The following STAB2 variants were observed in gnomAD, a reference collection of about 807,000 sequenced individuals.
STAB2 encodes stabilin 2.
Under a neutral mutation model 338.1 loss-of-function variants are expected in STAB2, and 288 were observed. The observed-to-expected ratio is 0.85, with a 90% CI of 0.77 to 0.94. The LOEUF is 0.94. Among genes scored for constraint, STAB2 ranks in the 40% least tolerant of loss-of-function variants. STAB2 has a pLI of 0.00. For missense variants in STAB2, 3,141 were observed against 3,210.1 expected, an observed-to-expected ratio of 0.98 and a Z score of 0.52; for synonymous variants, 1,202 against 1,193.3, an observed-to-expected ratio of 1.01 and a Z score of -0.15.
chr12:103,749,264 T>A, intron 59 of STAB2, 108 bp downstream of exon 59: 2 of 1,221,542 alleles, frequency 1.6e-6, no homozygotes, highest in Non-Finnish European at 2.2e-6. Flanking sequence ...TTCCTAAACA[T>A]TTTTTCTAGC....
chr12:103,604,741 C>CT (rs1957002288), intron 3 of STAB2, among the ~76,000 whole-genome samples: 1 of 151,596 alleles, frequency 6.6e-6, no homozygotes, highest in Non-Finnish European at 1.5e-5. Context: ...TTCATCTTCT[C>CT]TTTTTTTTCT....
In STAB2 at chr12:103,700,644, C is replaced by T. The variant is rs1037435649; in HGVS notation, c.3714+1417C>T. On this transcript the variant is annotated intron_variant, in intron 34 of 68. Coordinates refer to ENST00000388887, the MANE Select transcript of STAB2 (RefSeq NM_017564.10). Reference sequence around the variant, plus strand: ...TATTGACAGAGCTTCGTTTTTGCTTCTGTATGTGTTTGTCACCTTTTATTT... The same window carrying T: ...TATTGACAGAGCTTCGTTTTTGCTTTTGTATGTGTTTGTCACCTTTTATTT... Among the ~76,000 whole-genome samples, 8 of 152,272 alleles carry T rather than the reference C, an allele frequency of 5.3e-5. No homozygotes were observed. In the South Asian group the frequency reaches 8.3e-4, roughly 16 times the overall value.
intron 12 of STAB2, among the ~76,000 whole-genome samples, chr12:103,653,683 C>T (rs1677984): frequency 1.4e-5 from 1 of 73,286 alleles, no homozygotes; most frequent in East Asian, 4.2e-4. Context: ...TGGATAGATA[C>T]ATGGATAGGT....
At chr12:103,695,958 A>G (rs1878368228) in intron 33 of STAB2, 114 bp downstream of exon 33, 2 of 983,936 alleles carry the variant, frequency 2.0e-6, no homozygotes, top group African/African-American at 1.6e-5. Context: ...CCATAGCCAC[A>G]TACTTGACGT....
Position 103,715,798 on chromosome 12 carries a change from G to A in STAB2, c.4538-17G>A. On this transcript the variant is annotated splice_polypyrimidine_tract_variant and intron_variant, in intron 42 of 68. Coordinates refer to ENST00000388887, the MANE Select transcript of STAB2 (RefSeq NM_017564.10). Reference sequence around the variant, plus strand: ...AGACTGGATTTCCAGGCCAGATGTTGGCTTTTTGTTTTAAAGAAATCAACC... The same window carrying A: ...AGACTGGATTTCCAGGCCAGATGTTAGCTTTTTGTTTTAAAGAAATCAACC... 6.2e-7 allele frequency: 1 copy of A among 1,613,940 alleles called. No individual in the cohort carries two copies.
At chr12:103,748,605 TACACACACACAC>T (rs71097994) in intron 58 of STAB2, among the ~76,000 whole-genome samples, 7,275 of 141,030 alleles carry the variant, frequency 0.052, 189 homozygotes, top group South Asian at 0.084. Flanking sequence ...CACACACACA[TACACACACACAC>T]ACACACACAC....
chr12:103,595,089 T>C (rs990263102), intron 3 of STAB2, among the ~76,000 whole-genome samples: 1 of 152,186 alleles, frequency 6.6e-6, no homozygotes, highest in African/African-American at 2.4e-5. Context: ...TCTGAATCAA[T>C]GGTATAGTTA....
At chr12:103,731,982 A>G (rs573070290) in intron 50 of STAB2, among the ~76,000 whole-genome samples, 2 of 152,328 alleles carry the variant, frequency 1.3e-5, no homozygotes, top group South Asian at 4.1e-4. Flanking sequence ...GAGAGTTGGG[A>G]ACTCTATGCC....
At position 103,638,210 on chromosome 12, in the gene STAB2, C is replaced by G. The variant is rs1173900543; in HGVS notation, c.904C>G (p.Gln302Glu). ...STVCKYDGPGQSHCECKEHYQ... is the reference protein window; with the variant it reads ...STVCKYDGPGESHCECKEHYQ... The stretch of plus-strand genomic sequence containing the variant: ...AGTGTGCAAATATGATGGGCCTGGA[C>G]AGGTGAGCAAATGATGCAGGGAACT... Residue 302 changes from glutamine (Q) to glutamate (E), a missense_variant and splice_region_variant, in exon 8 of 69, where the codon CAG becomes GAG. Physicochemically the swap from Gln to Glu is conservative, Grantham distance 29. Coordinates refer to ENST00000388887, the MANE Select transcript of STAB2 (RefSeq NM_017564.10). 5 of 1,613,054 alleles carry G rather than the reference C, an allele frequency of 3.1e-6. No individual in the cohort carries two copies. The highest frequency in any genetic ancestry group is 4.2e-6 in the Non-Finnish European group (5 of 1,179,260).
chr12:103,690,430 T>C lies in STAB2; in HGVS notation c.3189T>C (p.His1063=), dbSNP rs150834304. 1 of 1,612,954 alleles carries C rather than the reference T, an allele frequency of 6.2e-7. No homozygotes were observed. Among genetic ancestry groups the C allele is most frequent in the South Asian group, 1.1e-5 (1 of 90,846 alleles). ...TTGTGGACTATTGTTTCAGGTACCATATGCTACTAGGCACATACAGAGTGG... is the reference window on the plus strand; with the variant it reads ...TTGTGGACTATTGTTTCAGGTACCACATGCTACTAGGCACATACAGAGTGG... ...QSNIPALIKY[H]MLLGTYRVAD... The change falls in exon 30 of 69, where the codon CAT becomes CAC. Residue 1063 remains histidine, a synonymous_variant. Coordinates refer to ENST00000388887, the MANE Select transcript of STAB2 (RefSeq NM_017564.10).
At chr12:103,704,805 AATAAAC>A in intron 36 of STAB2, 191 bp downstream of exon 36, 1 of 539,180 alleles carries the variant, frequency 1.9e-6, no homozygotes, top group Non-Finnish European at 3.2e-6. Flanking sequence ...GGCAAAATTT[AATAAAC>A]ATAAATGGGT....
At chr12:103,761,130 T>G (rs1884504223) in intron 65 of STAB2, among the ~76,000 whole-genome samples, 170 bp from the exon 66 acceptor site, 1 of 152,138 alleles carries the variant, frequency 6.6e-6, no homozygotes. Context: ...ACAGGACAAT[T>G]AATGTGTTCT....
intron 65 of STAB2, among the ~76,000 whole-genome samples, chr12:103,759,508 AT>A (rs1349665007): frequency 1.3e-5 from 2 of 152,230 alleles, no homozygotes; most frequent in Non-Finnish European, 2.9e-5. Context: ...TAATGAACCC[AT>A]TTTAAAGCTG....
intron 25 of STAB2, among the ~76,000 whole-genome samples, chr12:103,682,377 G>A (rs968319924): frequency 9.9e-5 from 15 of 152,192 alleles, no homozygotes; most frequent in Non-Finnish European, 2.1e-4. Flanking sequence ...CCTCAGCTGG[G>A]ACTAGTTGGC....
At position 103,733,047 on chromosome 12, in the gene STAB2, C is replaced by T; in HGVS notation, c.5325C>T (p.Thr1775=). 1 of 1,614,100 alleles carries T rather than the reference C, an allele frequency of 6.2e-7. No individual in the cohort carries two copies. The highest frequency in any genetic ancestry group is 8.5e-7 in the Non-Finnish European group (1 of 1,179,998). ...GTGTCATCACCGATCCCATCCACAC[C>T]CCAGTCACTCTCTTCTGGCCCACCG... The part of the protein sequence containing the change: ...LLSVITDPIH[T]PVTLFWPTDQ... The change falls in exon 51 of 69, where the codon ACC becomes ACT. Residue 1775 remains threonine, a synonymous_variant. Coordinates refer to ENST00000388887, the MANE Select transcript of STAB2 (RefSeq NM_017564.10).
At chr12:103,720,111 T>C (rs1024719820) in intron 44 of STAB2, among the ~76,000 whole-genome samples, 2 of 152,188 alleles carry the variant, frequency 1.3e-5, no homozygotes, top group Non-Finnish European at 2.9e-5. Context: ...GTAAGGATAA[T>C]AAAGAAGAAG....
rs1884697790 is a variant in STAB2, at chr12:103,763,563, G to C, written c.7560G>C (p.Glu2520Asp). The C allele has an allele frequency of 1.2e-6, 2 of 1,613,970 alleles. No homozygotes were observed. The highest frequency in any genetic ancestry group is 1.3e-5 in the African/African-American group (1 of 74,906). ...QPENISNPLY[E>D]STTSAPPEPS... ...AGAATATCTCGAACCCCTTGTATGA[G>C]AGCACAACCTCAGCTCCCCCAGAAC... is the stretch of plus-strand genomic sequence containing the variant. Residue 2520 changes from glutamate (E) to aspartate (D), a missense_variant, in exon 68 of 69, where the codon GAG (glutamate) becomes GAC (aspartate). By Grantham distance (45) the Glu-to-Asp change is conservative (BLOSUM62 2). Coordinates refer to ENST00000388887, the MANE Select transcript of STAB2 (RefSeq NM_017564.10).
chr12:103,637,289 T>C (rs1383521270), intron 7 of STAB2, 53 bp downstream of exon 7: 4 of 1,568,000 alleles, frequency 2.6e-6, no homozygotes, highest in Admixed American at 4.1e-5. Context: ...TTAGGTTATT[T>C]AACAGGAAAA....
At chr12:103,630,588 A>G (rs1357645931) in intron 5 of STAB2, among the ~76,000 whole-genome samples, 1 of 152,224 alleles carries the variant, frequency 6.6e-6, no homozygotes, top group African/African-American at 2.4e-5. Flanking sequence ...AGTATCCTGG[A>G]TTATCCAGGT....
Sources: allele counts gnomAD v4.1 joint callset (sites outside exome capture counted in the v4.1 genomes callset), GRCh38; gene constraint gnomAD v4.1.1; transcripts MANE v1.5; gene names NCBI Gene and HGNC (gene_info 2026-07-23, HGNC 2026-07-21).